TANC2: variants seen among roughly 807,000 people sequenced by gnomAD.
The protein encoded by TANC2 is tetratricopeptide repeat, ankyrin repeat and coiled-coil containing 2.
A neutral mutation model predicts 210.5 loss-of-function variants in TANC2; 26 were observed. The observed-to-expected ratio is 0.12, with a 90% CI of 0.09 to 0.17. The LOEUF is 0.17. Ranked by LOEUF, TANC2 falls within the 10% of genes least tolerant of loss-of-function variation. TANC2 has a pLI of 1.00. For missense variants in TANC2, 2,129 were observed against 2,608.9 expected (o/e 0.82, Z 4.01); for synonymous variants, 931 against 967.1 (o/e 0.96, Z 0.69).
chr17:63,162,962 G>A (rs2040079508), intron 5 of TANC2, among the ~76,000 whole-genome samples: 1 of 151,990 alleles, frequency 6.6e-6, no homozygotes, highest in Non-Finnish European at 1.5e-5. Context: ...ACTGTATACT[G>A]GAGTTACACA....
chr17:62,996,580 C>T (rs1002314630), intron 1 of TANC2, among the ~76,000 whole-genome samples: 5 of 152,164 alleles, frequency 3.3e-5, no homozygotes, highest in East Asian at 1.9e-4. Context: ...ATTTGTGAAT[C>T]GTTCATTGCT....
intron 2 of TANC2, among the ~76,000 whole-genome samples, chr17:63,025,378 A>G (rs976526377): frequency 1.3e-5 from 2 of 152,130 alleles, no homozygotes; most frequent in Admixed American, 6.5e-5. Flanking sequence ...CATTTTTACT[A>G]TCTTTGGGTA....
chr17:62,967,355 T>G (rs2031409475), intron 1 of TANC2: 1 of 152,036 alleles, frequency 6.6e-6, no homozygotes, highest in African/African-American at 2.4e-5. Flanking sequence ...TGTCTGGCTG[T>G]GAGATTGGAA....
intron 12 of TANC2, among the ~76,000 whole-genome samples, chr17:63,349,069 C>A (rs892398922): frequency 1.3e-5 from 2 of 151,596 alleles, no homozygotes; most frequent in African/African-American, 4.9e-5. Context: ...TTTTTTGATA[C>A]CTACATTAGT....
At chr17:63,202,362 A>T (rs1386681960) in intron 7 of TANC2, among the ~76,000 whole-genome samples, 1 of 152,126 alleles carries the variant, frequency 6.6e-6, no homozygotes, top group East Asian at 1.9e-4. Context: ...CATAAATGGC[A>T]TTTCTGGGTA....
At chr17:63,098,474 ACACACATACACTCTCT>A (rs1266517472) in intron 3 of TANC2, among the ~76,000 whole-genome samples, 9 of 40,082 alleles carry the variant, frequency 2.2e-4, no homozygotes, top group African/African-American at 1.2e-3. Context: ...ACACACACAC[ACACACATACACTCTCT>A]CTCTCTCTCT....
intron 19 of TANC2, 95 bp downstream of exon 19, chr17:63,399,009 G>T: frequency 1.1e-6 from 1 of 877,628 alleles, no homozygotes. Flanking sequence ...ACATTTGGCA[G>T]TCTTCTGTCT....
At chr17:63,112,497 G>A (rs1245748697) in intron 4 of TANC2, among the ~76,000 whole-genome samples, 1 of 152,156 alleles carries the variant, frequency 6.6e-6, no homozygotes, top group Non-Finnish European at 1.5e-5. Flanking sequence ...TAATGTGGCA[G>A]GGTTAAGGCT....
intron 9 of TANC2, among the ~76,000 whole-genome samples, chr17:63,299,225 A>G (rs572012285): frequency 4.1e-4 from 62 of 152,200 alleles, no homozygotes; most frequent in Middle Eastern, 3.2e-3. Context: ...TAGTGCTGCA[A>G]TAAACATATG....
At chr17:63,358,372 A>AT (rs1567949667) in intron 14 of TANC2, among the ~76,000 whole-genome samples, 73 of 114,986 alleles carry the variant, frequency 6.3e-4, no homozygotes, top group African/African-American at 2.6e-3. Context: ...AGAGAGAGAG[A>AT]GAGAGTATGT....
chr17:63,037,582 G>A lies in TANC2; in HGVS notation c.67+27956G>A, dbSNP rs539032745. Among the ~76,000 whole-genome samples, 13 of 152,212 alleles carry A rather than the reference G, an allele frequency of 8.5e-5. No homozygotes were observed. In the South Asian group the frequency reaches 2.5e-3, roughly 29 times the overall value. ...TAATCTCAGCACTTTAGGAGGCTGA[G>A]GCAGGCGGATTACCTGAGGTCAGGA... On this transcript the variant is annotated intron_variant, in intron 2 of 27. Coordinates refer to ENST00000689528, the Ensembl canonical transcript of TANC2.
chr17:63,023,992 CTTTT>C (rs1161764685), intron 2 of TANC2, among the ~76,000 whole-genome samples: 1 of 152,114 alleles, frequency 6.6e-6, no homozygotes, highest in Non-Finnish European at 1.5e-5. Flanking sequence ...TCCATTCATC[CTTTT>C]TTTATTGTTG....
At chr17:63,382,966 T>A (rs9898408) in intron 15 of TANC2, among the ~76,000 whole-genome samples, 1 of 152,368 alleles carries the variant, frequency 6.6e-6, no homozygotes, top group Non-Finnish European at 1.5e-5. Context: ...AGAGTTTTTT[T>A]AAAAATACAC....
chr17:63,208,820 A>G (rs1444174462), intron 7 of TANC2, among the ~76,000 whole-genome samples: 2 of 152,116 alleles, frequency 1.3e-5, no homozygotes, highest in African/African-American at 4.8e-5. Flanking sequence ...TACCTATTGC[A>G]TAGAAATATG....
intron 2 of TANC2, among the ~76,000 whole-genome samples, chr17:63,060,128 G>A (rs1164353829): frequency 6.6e-6 from 1 of 152,172 alleles, no homozygotes; most frequent in African/African-American, 2.4e-5. Context: ...TAGAAATAGT[G>A]TGTCCCATAA....
At chr17:63,165,142 G>T (rs577735644) in intron 5 of TANC2, among the ~76,000 whole-genome samples, 2 of 151,902 alleles carry the variant, frequency 1.3e-5, no homozygotes, top group African/African-American at 2.4e-5. Flanking sequence ...TTAGCCAGGC[G>T]TGGTGGCTGT....
intron 9 of TANC2, among the ~76,000 whole-genome samples, chr17:63,282,269 C>T (rs1385674090): frequency 6.6e-6 from 1 of 151,738 alleles, no homozygotes; most frequent in Admixed American, 6.6e-5. Context: ...ACACAAATTA[C>T]TAATATCAGG....
At chr17:63,196,366 A>G (rs1161825878) in intron 6 of TANC2, among the ~76,000 whole-genome samples, 1 of 152,228 alleles carries the variant, frequency 6.6e-6, no homozygotes, top group Non-Finnish European at 1.5e-5. Flanking sequence ...ATGTCAAGTT[A>G]AAATGTGACT....
intron 11 of TANC2, among the ~76,000 whole-genome samples, chr17:63,328,710 G>A (rs1489779199): frequency 1.3e-5 from 2 of 151,110 alleles, no homozygotes; most frequent in Non-Finnish European, 2.9e-5. Flanking sequence ...TTTTCAGATA[G>A]ATAGGAAGAA....
Sources: allele counts gnomAD v4.1 joint callset (sites outside exome capture counted in the v4.1 genomes callset), GRCh38; gene constraint gnomAD v4.1.1; transcripts MANE v1.5; gene names NCBI Gene and HGNC (gene_info 2026-07-23, HGNC 2026-07-21).